ADAMTS3: variants seen among roughly 807,000 people sequenced by gnomAD.
ADAMTS3 encodes A disintegrin and metalloproteinase with thrombospondin motifs 3.
Under a neutral mutation model 129.0 loss-of-function variants are expected in ADAMTS3, and 73 were observed. That is an observed-to-expected ratio of 0.57 (90% CI 0.47 to 0.69). The LOEUF (loss-of-function observed/expected upper bound fraction) is 0.69, where lower values mean the gene tolerates loss of function less well. Ranked by LOEUF, ADAMTS3 falls within the 30% of genes least tolerant of loss-of-function variation. The pLI, the probability that ADAMTS3 is intolerant of heterozygous loss-of-function variation, is 0.00. For missense variants in ADAMTS3, 1,457 were observed against 1,514.5 expected (o/e 0.96, Z 0.63); for synonymous variants, 477 against 510.8 (o/e 0.93, Z 0.89).
intron 3 of ADAMTS3, among the ~76,000 whole-genome samples, chr4:72,425,069 T>G (rs185475017): frequency 6.6e-6 from 1 of 152,288 alleles, no homozygotes; most frequent in East Asian, 1.9e-4. Flanking sequence ...TTAACTGATG[T>G]GAAACAAGAA....
intron 3 of ADAMTS3, among the ~76,000 whole-genome samples, chr4:72,428,599 A>C (rs1378669730): frequency 6.6e-6 from 1 of 152,078 alleles, no homozygotes; most frequent in African/African-American, 2.4e-5. Context: ...CCAGGCTAAA[A>C]GATAAGATTA....
At chr4:72,415,621 C>T (rs911502390) in intron 3 of ADAMTS3, among the ~76,000 whole-genome samples, 1 of 151,864 alleles carries the variant, frequency 6.6e-6, no homozygotes, top group Non-Finnish European at 1.5e-5. Context: ...ATATCCCCCT[C>T]AAACTGCATC....
intron 3 of ADAMTS3, among the ~76,000 whole-genome samples, chr4:72,458,912 G>A (rs543554373): frequency 6.6e-6 from 1 of 151,626 alleles, no homozygotes; most frequent in East Asian, 2.0e-4. Flanking sequence ...AAAATGACCC[G>A]ATTTTATCAA....
intron 3 of ADAMTS3, among the ~76,000 whole-genome samples, chr4:72,516,036 G>A (rs1387707119): frequency 6.6e-5 from 10 of 152,162 alleles, no homozygotes; most frequent in Non-Finnish European, 1.0e-4. Flanking sequence ...AAGGGATCCA[G>A]TTCCAGCTTT....
At chr4:72,547,710 A>G (rs186000461) in intron 3 of ADAMTS3, among the ~76,000 whole-genome samples, 193 of 152,326 alleles carry the variant, frequency 1.3e-3, no homozygotes, top group Non-Finnish European at 2.1e-3. Context: ...AAAACTAATT[A>G]CTAGAATAAT....
chr4:72,502,823 A>G (rs1266777465), intron 3 of ADAMTS3, among the ~76,000 whole-genome samples: 2 of 151,870 alleles, frequency 1.3e-5, no homozygotes, highest in African/African-American at 4.8e-5. Context: ...GCACCCATCA[A>G]CCCATCACCT....
At chr4:72,315,115 A>G (rs1041219364) in intron 11 of ADAMTS3, among the ~76,000 whole-genome samples, 3 of 152,190 alleles carry the variant, frequency 2.0e-5, no homozygotes, top group African/African-American at 7.2e-5. Context: ...ATAAGTTCAC[A>G]TGACTTTATT....
intron 3 of ADAMTS3, among the ~76,000 whole-genome samples, chr4:72,525,689 C>G (rs143217877): frequency 3.2e-4 from 49 of 152,308 alleles, no homozygotes; most frequent in African/African-American, 1.1e-3. Context: ...GCCTTTCACA[C>G]CCTTCCTGAG....
intron 3 of ADAMTS3, among the ~76,000 whole-genome samples, chr4:72,462,799 TAA>T (rs1718808011): frequency 6.6e-6 from 1 of 151,884 alleles, no homozygotes; most frequent in African/African-American, 2.4e-5. Context: ...TGGGTTATTA[TAA>T]GAGTTTAAAA....
rs568033043 is a variant in ADAMTS3, at chr4:72,518,848, A to G, written c.504+29630T>C. 3.5e-3 allele frequency among the ~76,000 whole-genome samples: 527 copies of G among 151,586 alleles called. 6 individuals are homozygous for G. The highest frequency in any genetic ancestry group is 0.027 in the East Asian group (137 of 5,160). ...TTTAGTCCATTTACATTTAAAGTTA[A>G]TATTGTTATGTGTGAATTTGATCCT... is the stretch of plus-strand genomic sequence containing the variant. On this transcript the variant is annotated intron_variant, in intron 3 of 21. Transcript: ENST00000286657.
chr4:72,419,979 A>G (rs1722403100), intron 3 of ADAMTS3, among the ~76,000 whole-genome samples: 1 of 152,228 alleles, frequency 6.6e-6, no homozygotes, highest in South Asian at 2.1e-4. Flanking sequence ...GCAAGCAAGA[A>G]GCTAAAATAA....
intron 3 of ADAMTS3, among the ~76,000 whole-genome samples, chr4:72,484,884 C>T (rs899354828): frequency 6.6e-6 from 1 of 152,136 alleles, no homozygotes; most frequent in African/African-American, 2.4e-5. Flanking sequence ...AGAGTATAAA[C>T]GACCCTCCCT....
At chr4:72,431,576 T>C (rs1387563514) in intron 3 of ADAMTS3, among the ~76,000 whole-genome samples, 2 of 152,008 alleles carry the variant, frequency 1.3e-5, no homozygotes, top group African/African-American at 2.4e-5. Context: ...CTTCAGGCTA[T>C]GTGTATAAGG....
chr4:72,456,367 AATATATAGT>A (rs1238083261), intron 3 of ADAMTS3, among the ~76,000 whole-genome samples: 1 of 113,188 alleles, frequency 8.8e-6, no homozygotes, highest in Non-Finnish European at 1.9e-5. Flanking sequence ...TATAGTATAC[AATATATAGT>A]ATATATAGTA....
At chr4:72,319,599 C>T in intron 8 of ADAMTS3, 124 bp from the exon 9 acceptor site, 1 of 1,192,808 alleles carries the variant, frequency 8.4e-7, no homozygotes, top group Non-Finnish European at 1.2e-6. Flanking sequence ...TTGAAGAAGT[C>T]ACAGAAACGG....
intron 11 of ADAMTS3, among the ~76,000 whole-genome samples, chr4:72,314,971 T>C (rs1425564006): frequency 6.6e-6 from 1 of 152,230 alleles, no homozygotes; most frequent in Non-Finnish European, 1.5e-5. Flanking sequence ...CATGCCTTTG[T>C]TTTGGGATCT....
intron 3 of ADAMTS3, among the ~76,000 whole-genome samples, chr4:72,522,790 C>A (rs1403619369): frequency 1.3e-5 from 2 of 151,980 alleles, no homozygotes; most frequent in Non-Finnish European, 2.9e-5. Context: ...ATGCTTAAAA[C>A]ATTTTTCAAA....
intron 4 of ADAMTS3, among the ~76,000 whole-genome samples, chr4:72,367,250 C>T (rs1457634498): frequency 6.6e-6 from 1 of 151,968 alleles, no homozygotes; most frequent in Non-Finnish European, 1.5e-5. Context: ...TCCAGAGTGG[C>T]AATAAACTAA....
chr4:72,533,586 T>A (rs1227477686), intron 3 of ADAMTS3, among the ~76,000 whole-genome samples: 2 of 152,134 alleles, frequency 1.3e-5, no homozygotes, highest in African/African-American at 4.8e-5. Flanking sequence ...GCGCAGTACA[T>A]TTATATGTAT....
Sources: gnomAD v4.1 joint callset for allele counts (sites outside exome capture counted in the v4.1 genomes callset) on GRCh38, gnomAD v4.1.1 for gene constraint, MANE v1.5 for transcripts, NCBI Gene and HGNC (gene_info 2026-07-23, HGNC 2026-07-21) for gene names.